The following PDE4D variants were observed in gnomAD, a reference collection of about 807,000 sequenced individuals.
PDE4D encodes the protein phosphodiesterase 4D.
PDE4D carries 24 observed loss-of-function variants against 87.4 expected under a neutral mutation model. That is an observed-to-expected ratio of 0.27 (90% confidence interval 0.20 to 0.39). The LOEUF is 0.39. Among genes scored for constraint, PDE4D ranks in the 10% least tolerant of loss-of-function variants. PDE4D has a pLI of 1.00. For synonymous variants in PDE4D, 384 were observed against 383.2 expected, an observed-to-expected ratio of 1.00 and a Z score of -0.02; for missense variants, 714 against 1,041.0, an observed-to-expected ratio of 0.69 and a Z score of 4.32.
chr5:59,152,223 C>A (rs1016371981), intron 5 of PDE4D, among the ~76,000 whole-genome samples: 1 of 152,004 alleles, frequency 6.6e-6, no homozygotes, highest in East Asian at 1.9e-4. Context: ...CCAGTCTTAG[C>A]ACAGTGTTTG....
chr5:59,709,385 T>A (rs1469303787), intron 1 of PDE4D, among the ~76,000 whole-genome samples: 1 of 152,160 alleles, frequency 6.6e-6, no homozygotes, highest in Non-Finnish European at 1.5e-5. Context: ...GTGGTTTCAC[T>A]AAAATAGAAT....
chr5:60,119,917 G>A (rs1339691481), intron 2 of PDE4D, among the ~76,000 whole-genome samples: 1 of 152,138 alleles, frequency 6.6e-6, no homozygotes, highest in Admixed American at 6.5e-5. Flanking sequence ...GGGACCTGAA[G>A]CCACAGATTC....
At chr5:59,321,961 C>T (rs1774805985) in intron 1 of PDE4D, among the ~76,000 whole-genome samples, 1 of 152,036 alleles carries the variant, frequency 6.6e-6, no homozygotes, top group African/African-American at 2.4e-5. Context: ...TTTATGTATC[C>T]TTGATTCAGG....
chr5:59,035,762 C>T (rs1758400437), intron 6 of PDE4D, among the ~76,000 whole-genome samples: 1 of 152,152 alleles, frequency 6.6e-6, no homozygotes, highest in African/African-American at 2.4e-5. Flanking sequence ...GTTTGCCTGC[C>T]TCCAAAGCTT....
At chr5:59,557,405 C>T (rs983519306) in intron 1 of PDE4D, among the ~76,000 whole-genome samples, 3 of 152,042 alleles carry the variant, frequency 2.0e-5, no homozygotes, top group African/African-American at 7.2e-5. Context: ...GCCAGGTTGG[C>T]ATTTTGAGAT....
chr5:59,215,138 G>A (rs895465351), intron 2 of PDE4D, among the ~76,000 whole-genome samples: 4 of 152,172 alleles, frequency 2.6e-5, no homozygotes, highest in Admixed American at 6.5e-5. Flanking sequence ...ATGAGCTAGT[G>A]ATGGTACAGG....
chr5:59,592,400 C>T (rs1300368770), intron 1 of PDE4D, among the ~76,000 whole-genome samples: 2 of 152,150 alleles, frequency 1.3e-5, no homozygotes, highest in African/African-American at 4.8e-5. Flanking sequence ...CTAGTAGCTA[C>T]TACATTCAAT....
intron 1 of PDE4D, among the ~76,000 whole-genome samples, chr5:60,289,752 T>C (rs1260437731): frequency 6.6e-6 from 1 of 152,166 alleles, no homozygotes; most frequent in African/African-American, 2.4e-5. Context: ...TTTGAAACTA[T>C]AATTAAATGT....
At chr5:58,989,725 G>A in intron 10 of PDE4D, 30 bp downstream of exon 10, 1 of 1,493,720 alleles carries the variant, frequency 6.7e-7, no homozygotes, top group Non-Finnish European at 9.1e-7. Context: ...TGGCAAGTTA[G>A]TGTTCTTGAA....
intron 5 of PDE4D, among the ~76,000 whole-genome samples, chr5:59,117,273 A>C (rs1773758899): frequency 6.6e-6 from 1 of 152,246 alleles, no homozygotes; most frequent in Non-Finnish European, 1.5e-5. Context: ...TTATAAAAAC[A>C]AAATCTTCCT....
chr5:59,602,961 G>T (rs181998389), intron 1 of PDE4D, among the ~76,000 whole-genome samples: 1 of 152,180 alleles, frequency 6.6e-6, no homozygotes, highest in East Asian at 1.9e-4. Context: ...AATAAATGGT[G>T]CTGGGAAAAC....
At chr5:59,357,540 C>T (rs1781584721) in intron 1 of PDE4D, among the ~76,000 whole-genome samples, 1 of 152,154 alleles carries the variant, frequency 6.6e-6, no homozygotes, top group Non-Finnish European at 1.5e-5. Context: ...GGCAGCTTTG[C>T]CCTCAAGGAG....
intron 1 of PDE4D, among the ~76,000 whole-genome samples, chr5:59,399,030 T>C (rs374868884): frequency 0.14 from 16,452 of 118,800 alleles, 2,861 homozygotes; most frequent in Middle Eastern, 0.18. Context: ...ACAAGCGACA[T>C]GAAGGACTTC....
intron 1 of PDE4D, among the ~76,000 whole-genome samples, chr5:59,679,738 T>A (rs2150359260): frequency 6.6e-6 from 1 of 152,260 alleles, no homozygotes; most frequent in South Asian, 2.1e-4. Flanking sequence ...TTTCATGGAA[T>A]AATGATTTAA....
At chr5:60,238,873 T>C (rs1746744502) in intron 1 of PDE4D, among the ~76,000 whole-genome samples, 1 of 152,180 alleles carries the variant, frequency 6.6e-6, no homozygotes, top group African/African-American at 2.4e-5. Flanking sequence ...TTTTTCTTTA[T>C]AGTTTGTCTT....
intron 3 of PDE4D, among the ~76,000 whole-genome samples, chr5:59,981,705 T>G (rs1247453719): frequency 6.6e-6 from 1 of 152,208 alleles, no homozygotes; most frequent in Non-Finnish European, 1.5e-5. Context: ...ACAGGCTTCA[T>G]GGTAGACTGT....
chr5:60,520,545 G>C (rs1750991884), intron 1 of PDE4D, among the ~76,000 whole-genome samples: 1 of 152,188 alleles, frequency 6.6e-6, no homozygotes, highest in Non-Finnish European at 1.5e-5. Context: ...TATCTTGTGA[G>C]TCCAGAAAAG....
At chr5:59,691,333 A>G (rs902599136) in intron 1 of PDE4D, among the ~76,000 whole-genome samples, 3 of 152,152 alleles carry the variant, frequency 2.0e-5, no homozygotes, top group African/African-American at 4.8e-5. Context: ...ATGTCCATCA[A>G]TGATAGACTG....
intron 8 of PDE4D, among the ~76,000 whole-genome samples, chr5:58,991,574 T>C (rs1172268923): frequency 2.0e-5 from 3 of 152,090 alleles, no homozygotes; most frequent in Non-Finnish European, 2.9e-5. Flanking sequence ...CCAGAAGACA[T>C]GACAGATTTC....
Sources: allele counts gnomAD v4.1 joint callset (sites outside exome capture counted in the v4.1 genomes callset), GRCh38; gene constraint gnomAD v4.1.1; transcripts MANE v1.5; gene names NCBI Gene and HGNC (gene_info 2026-07-23, HGNC 2026-07-21).